The following CLYBL variants were observed in gnomAD, a reference collection of about 807,000 sequenced individuals.
CLYBL encodes the protein citramalyl-CoA lyase.
In CLYBL, 31 loss-of-function variants were observed where a neutral mutation model predicts 38.9. The ratio of observed to expected loss-of-function variants is 0.80; its 90% CI spans 0.60 to 1.08. The LOEUF (loss-of-function observed/expected upper bound fraction) is 1.08. Among genes scored for constraint, CLYBL ranks in the 50% least tolerant of loss-of-function variants. The pLI is 0.00. For synonymous variants in CLYBL, 171 were observed against 158.6 expected, an observed-to-expected ratio of 1.08 and a Z score of -0.59; for missense variants, 434 against 411.6, an observed-to-expected ratio of 1.05 and a Z score of -0.47.
At chr13:99,675,342 A>G (rs563537751) in intron 1 of CLYBL, among the ~76,000 whole-genome samples, 32 of 152,032 alleles carry the variant, frequency 2.1e-4, no homozygotes, top group African/African-American at 6.0e-4. Flanking sequence ...ATGTGTCTAT[A>G]TCAGCTTTAT....
chr13:99,614,608 C>G (rs953645546), intron 1 of CLYBL, among the ~76,000 whole-genome samples: 1 of 152,104 alleles, frequency 6.6e-6, no homozygotes, highest in Admixed American at 6.5e-5. Flanking sequence ...TCAGCTGTGC[C>G]GTGCCTGCTG....
chr13:99,676,182 G>C (rs75524236), intron 1 of CLYBL, among the ~76,000 whole-genome samples: 11 of 84,806 alleles, frequency 1.3e-4, no homozygotes, highest in African/African-American at 3.9e-4. Flanking sequence ...CCTTCCCTCC[G>C]TCCGTCCTTC....
intron 1 of CLYBL, among the ~76,000 whole-genome samples, chr13:99,763,795 T>C (rs2049213364): frequency 6.6e-6 from 1 of 152,090 alleles, no homozygotes; most frequent in Admixed American, 6.6e-5. Flanking sequence ...CCTCATGATC[T>C]GCCCGCCTTA....
At chr13:99,666,524 T>G (rs1352105324) in intron 1 of CLYBL, among the ~76,000 whole-genome samples, 1 of 152,126 alleles carries the variant, frequency 6.6e-6, no homozygotes, top group Non-Finnish European at 1.5e-5. Context: ...CCCCCTTTCT[T>G]AAATTGTTAT....
At chr13:99,622,074 A>G (rs1028803097) in intron 1 of CLYBL, among the ~76,000 whole-genome samples, 8 of 152,180 alleles carry the variant, frequency 5.3e-5, no homozygotes, top group African/African-American at 1.9e-4. Flanking sequence ...CTTCAAAGCC[A>G]GACCCAGTGG....
At position 99,865,393 on chromosome 13, in the gene CLYBL, C is replaced by T. The variant is rs1222008907; in HGVS notation, c.634+482C>T. ...TTAAATGGATCTTAAATTTCTCTTA[C>T]AATATGTTTCGAACTCTTAGTATTA... On this transcript the variant is annotated intron_variant, in intron 5 of 8. Coordinates refer to ENST00000339105, the MANE Select transcript of CLYBL (RefSeq NM_206808.5). The surrounding 1 kb of genome is among the most constrained non-coding windows in gnomAD (Gnocchi z 4.7). Among the ~76,000 whole-genome samples, 1 of 152,178 alleles carries T rather than the reference C, an allele frequency of 6.6e-6. No homozygotes were observed. Among genetic ancestry groups the T allele is most frequent in the Non-Finnish European group, 1.5e-5 (1 of 68,028 alleles).
chr13:99,844,973 GCCTA>G (rs1353023087), intron 2 of CLYBL, among the ~76,000 whole-genome samples: 1 of 152,042 alleles, frequency 6.6e-6, no homozygotes, highest in African/African-American at 2.4e-5. Flanking sequence ...ATCCTTCATT[GCCTA>G]CCTACCATCA....
intron 1 of CLYBL, among the ~76,000 whole-genome samples, chr13:99,748,432 T>G (rs1429664380): frequency 0.044 from 2,520 of 57,512 alleles, 47 homozygotes; most frequent in Non-Finnish European, 0.079. Context: ...GTTTTGTGTT[T>G]TTTTTTTTTT....
At chr13:99,821,512 T>C (rs1359594726) in intron 2 of CLYBL, among the ~76,000 whole-genome samples, 1 of 152,220 alleles carries the variant, frequency 6.6e-6, no homozygotes, top group African/African-American at 2.4e-5. Flanking sequence ...TTGCTGTCTG[T>C]GAAGGGCATA....
chr13:99,906,736 T>C (rs2052702345), intron 9 of CLYBL, among the ~76,000 whole-genome samples: 1 of 152,184 alleles, frequency 6.6e-6, no homozygotes, highest in Non-Finnish European at 1.5e-5. Flanking sequence ...GAGTTCTTAT[T>C]ATTACAAGAT....
At chr13:99,672,602 C>T (rs145068454) in intron 1 of CLYBL, among the ~76,000 whole-genome samples, 355 of 149,400 alleles carry the variant, frequency 2.4e-3, no homozygotes, top group African/African-American at 8.3e-3. Flanking sequence ...GGTGAAACCC[C>T]ATCTCTACCA....
chr13:99,881,589 AT>A (rs1017589977), intron 7 of CLYBL, among the ~76,000 whole-genome samples: 393 of 136,134 alleles, frequency 2.9e-3, no homozygotes, highest in Middle Eastern at 0.011. Context: ...CATCCAGTTA[AT>A]TTTTTTTTTT....
chr13:99,814,570 A>C (rs2050404745), intron 2 of CLYBL, among the ~76,000 whole-genome samples: 1 of 151,838 alleles, frequency 6.6e-6, no homozygotes, highest in African/African-American at 2.4e-5. Context: ...CTGCAAAAAA[A>C]TTAAAAAACT....
intron 1 of CLYBL, among the ~76,000 whole-genome samples, chr13:99,771,020 CTTTTTTTTTTTTTT>C (rs546998940): frequency 1.5e-4 from 18 of 120,242 alleles, no homozygotes; most frequent in Non-Finnish European, 2.4e-4. Context: ...ACGCGGGGCC[CTTTTTTTTTTTTTT>C]TTTTTTTTTT....
At chr13:99,828,247 G>C (rs2050736172) in intron 2 of CLYBL, among the ~76,000 whole-genome samples, 1 of 152,138 alleles carries the variant, frequency 6.6e-6, no homozygotes, top group Non-Finnish European at 1.5e-5. Context: ...AAGTCAGACG[G>C]GTGCACTCGA....
intron 2 of CLYBL, among the ~76,000 whole-genome samples, chr13:99,800,111 C>G (rs1171790706): frequency 6.6e-6 from 1 of 152,242 alleles, no homozygotes; most frequent in Non-Finnish European, 1.5e-5. Flanking sequence ...TCACTGGCAT[C>G]TATTTTTCCC....
chr13:99,795,370 A>G (rs2050000888), intron 2 of CLYBL, among the ~76,000 whole-genome samples: 1 of 152,098 alleles, frequency 6.6e-6, no homozygotes, highest in Non-Finnish European at 1.5e-5. Context: ...AGACTTTTCT[A>G]GGGCCAGGGA....
chr13:99,678,015 AC>A (rs2047679382), intron 1 of CLYBL, among the ~76,000 whole-genome samples: 1 of 152,206 alleles, frequency 6.6e-6, no homozygotes, highest in South Asian at 2.1e-4. Context: ...TTTGGAGGAA[AC>A]CGTATGAAAT....
rs760381495 is a variant in CLYBL, at chr13:99,865,684, C to A, written c.635-556C>A. Among the ~76,000 whole-genome samples the A allele has an allele frequency of 1.3e-5, 2 of 152,202 alleles. No individual in the cohort carries two copies. Among genetic ancestry groups the A allele is most frequent in the Non-Finnish European group, 2.9e-5 (2 of 68,044 alleles). The stretch of plus-strand genomic sequence containing the variant: ...GAGACTTGTGTATCCAACGGTTCAG[C>A]GGGCTACAGAAGGCATATCGATGCT... On this transcript the variant is annotated intron_variant, in intron 5 of 8. Coordinates refer to ENST00000339105, the MANE Select transcript of CLYBL (RefSeq NM_206808.5). The surrounding 1 kb of genome is among the most constrained non-coding windows in gnomAD (Gnocchi z 4.7).
Sources: allele counts gnomAD v4.1 joint callset (sites outside exome capture counted in the v4.1 genomes callset), GRCh38; gene constraint gnomAD v4.1.1; non-coding constraint Gnocchi (gnomAD v3.1); transcripts MANE v1.5; gene names NCBI Gene and HGNC (gene_info 2026-07-23, HGNC 2026-07-21).